PLCB1: variants seen among roughly 807,000 people sequenced by gnomAD.
PLCB1 encodes phospholipase C beta 1.
A neutral mutation model predicts 161.8 loss-of-function variants in PLCB1; 46 were observed. The observed-to-expected ratio is 0.28, with a 90% CI of 0.22 to 0.36. The LOEUF is 0.36. Among genes scored for constraint, PLCB1 ranks in the 10% least tolerant of loss-of-function variants. PLCB1 has a pLI of 1.00. For missense variants in PLCB1, 1,016 were observed against 1,472.5 expected (o/e 0.69, Z 5.07); for synonymous variants, 517 against 503.7 (o/e 1.03, Z -0.35).
Position 8,632,035 on chromosome 20 carries a change from C to CTTTTTTTTTTT in PLCB1, c.384+3626_384+3636dup, listed in dbSNP as rs34028351. ...AGGAGACAAATATGGGTTTTTTTTG[C>CTTTTTTTTTTT]TTTTTTTTTTTTTTTTTTTTTTTTT... is the stretch of plus-strand genomic sequence containing the variant. On this transcript the variant is annotated intron_variant, in intron 4 of 31. Coordinates refer to ENST00000338037, the MANE Select transcript of PLCB1 (RefSeq NM_015192.4). Among the ~76,000 whole-genome samples the CTTTTTTTTTTT allele has an allele frequency of 6.7e-4, 31 of 45,992 alleles. 6 individuals carry two copies. The highest frequency in any genetic ancestry group is 4.6e-3 in the East Asian group (6 of 1,294). 30.2% of individuals were successfully genotyped at this position (45,992 alleles called of 152,430 possible). A position where few individuals can be genotyped will look rare whatever the true frequency, so the allele number is the denominator to read the frequency against.
intron 4 of PLCB1, among the ~76,000 whole-genome samples, chr20:8,637,012 A>G (rs1316639495): frequency 6.7e-6 from 1 of 150,356 alleles, no homozygotes; most frequent in Non-Finnish European, 1.5e-5. Flanking sequence ...CTAGCCTGGA[A>G]GCAAGAACAT....
chr20:8,541,697 GT>G (rs1367001402), intron 3 of PLCB1, among the ~76,000 whole-genome samples: 3 of 152,110 alleles, frequency 2.0e-5, no homozygotes, highest in Non-Finnish European at 4.4e-5. Context: ...TGAATAATTT[GT>G]ATTTATTTAT....
chr20:8,794,796 A>G (rs890950777), intron 31 of PLCB1, among the ~76,000 whole-genome samples: 1 of 128,926 alleles, frequency 7.8e-6, no homozygotes, highest in East Asian at 2.5e-4. Flanking sequence ...GTAAATAAAC[A>G]ACTCCTTTGA....
chr20:8,557,982 C>G (rs1030823990), intron 3 of PLCB1, among the ~76,000 whole-genome samples: 1 of 151,704 alleles, frequency 6.6e-6, no homozygotes, highest in Non-Finnish European at 1.5e-5. Flanking sequence ...TTTAAATCAA[C>G]TCTTACAAAA....
chr20:8,326,670 C>T (rs952152368), intron 2 of PLCB1, among the ~76,000 whole-genome samples: 17 of 152,148 alleles, frequency 1.1e-4, no homozygotes, highest in Non-Finnish European at 2.4e-4. Flanking sequence ...GGGAAACCCC[C>T]AATGTCTTTT....
intron 7 of PLCB1, chr20:8,651,694 A>T: frequency 2.0e-6 from 1 of 500,160 alleles, no homozygotes; most frequent in Non-Finnish European, 3.6e-6. Context: ...TCTTCTGGGG[A>T]AACTAGCCAA....
rs1173864163 is a variant in PLCB1, at chr20:8,644,801, T to C, written c.385-1301T>C. Among the ~76,000 whole-genome samples, 1,124 of 151,116 alleles carry C rather than the reference T, an allele frequency of 7.4e-3. 12 individuals are homozygous for C. Among genetic ancestry groups the C allele is most frequent in the Non-Finnish European group, 9.8e-3 (663 of 67,510 alleles). On this transcript the variant is annotated intron_variant, in intron 4 of 31. Transcript: ENST00000338037. ...ACTGGGAAGTGAGGGGCCCCTCTGC[T>C]CGGCCACCACCCCGTCTGGGAGGTG...
chr20:8,628,517 T>G (rs984999206), intron 4 of PLCB1, 86 bp downstream of exon 4: 1 of 1,412,268 alleles, frequency 7.1e-7, no homozygotes. Context: ...GACTGAATTT[T>G]TGTCATATTT....
At chr20:8,690,049 T>C (rs1027150122) in intron 10 of PLCB1, among the ~76,000 whole-genome samples, 1 of 149,202 alleles carries the variant, frequency 6.7e-6, no homozygotes, top group Non-Finnish European at 1.5e-5. Flanking sequence ...ATTTAATTTC[T>C]AGTACTGTTA....
chr20:8,858,912 CAAAAAA>C (rs11482207), intron 31 of PLCB1, among the ~76,000 whole-genome samples: 21 of 111,544 alleles, frequency 1.9e-4, no homozygotes, highest in Middle Eastern at 4.6e-3. Flanking sequence ...TTTGAGTGTG[CAAAAAA>C]AAAAAAAAAA....
intron 2 of PLCB1, among the ~76,000 whole-genome samples, chr20:8,284,558 C>A (rs1983024142): frequency 6.6e-6 from 1 of 152,086 alleles, no homozygotes; most frequent in East Asian, 1.9e-4. Context: ...GACAACATAG[C>A]AAGACTCTGT....
chr20:8,859,759 T>C (rs1200354136), intron 31 of PLCB1, among the ~76,000 whole-genome samples: 1 of 151,932 alleles, frequency 6.6e-6, no homozygotes, highest in African/African-American at 2.4e-5. Context: ...TCTTCAAAGG[T>C]GATGGGTTAT....
chr20:8,739,384 C>G (rs370423095), intron 21 of PLCB1, 24 bp downstream of exon 21: 1 of 1,447,328 alleles, frequency 6.9e-7, no homozygotes, highest in Non-Finnish European at 9.7e-7. Flanking sequence ...GCTGAGAAAC[C>G]TTTTATCAAA....
At chr20:8,295,286 C>T (rs1304839013) in intron 2 of PLCB1, among the ~76,000 whole-genome samples, 1 of 152,030 alleles carries the variant, frequency 6.6e-6, no homozygotes, top group Admixed American at 6.6e-5. Context: ...ACAGAATACA[C>T]ACAAATGTGT....
intron 3 of PLCB1, among the ~76,000 whole-genome samples, chr20:8,543,908 T>C (rs1985435690): frequency 6.6e-6 from 1 of 152,214 alleles, no homozygotes; most frequent in Non-Finnish European, 1.5e-5. Flanking sequence ...TCCCCAGCCA[T>C]ACAGAAATGT....
intron 3 of PLCB1, among the ~76,000 whole-genome samples, chr20:8,405,875 G>A (rs1600379324): frequency 6.6e-6 from 1 of 152,120 alleles, no homozygotes; most frequent in Non-Finnish European, 1.5e-5. Context: ...CAAATGGTAG[G>A]AATGCTATAT....
At chr20:8,466,394 A>G (rs369208611) in intron 3 of PLCB1, among the ~76,000 whole-genome samples, 1,702 of 151,410 alleles carry the variant, frequency 0.011, 32 homozygotes, top group African/African-American at 0.038. Flanking sequence ...TAGTGGGTGC[A>G]GCGCACCAGC....
At chr20:8,392,425 C>T (rs1568659203) in intron 3 of PLCB1, among the ~76,000 whole-genome samples, 1 of 152,116 alleles carries the variant, frequency 6.6e-6, no homozygotes, top group African/African-American at 2.4e-5. Context: ...ATTGGCCGGT[C>T]TGTTTGTTAT....
intron 26 of PLCB1, among the ~76,000 whole-genome samples, chr20:8,772,910 A>G (rs141944075): frequency 0.011 from 1,684 of 152,348 alleles, 18 homozygotes; most frequent in Non-Finnish European, 0.015. Context: ...AGCCTGGGCT[A>G]CAAGAGCAAA....
Sources: gnomAD v4.1 joint callset for allele counts (sites outside exome capture counted in the v4.1 genomes callset) on GRCh38, gnomAD v4.1.1 for gene constraint, MANE v1.5 for transcripts, NCBI Gene and HGNC (gene_info 2026-07-23, HGNC 2026-07-21) for gene names.